The following SH3BP2 variants were observed in gnomAD, a reference collection of about 807,000 sequenced individuals.
The protein encoded by SH3BP2 is SH3 domain binding protein 2.
SH3BP2 carries 38 observed loss-of-function variants against 56.2 expected under a neutral mutation model. The observed-to-expected ratio is 0.68, with a 90% CI of 0.52 to 0.89. The LOEUF (loss-of-function observed/expected upper bound fraction) is 0.89. Ranked by LOEUF, SH3BP2 falls within the 40% of genes least tolerant of loss-of-function variation. The pLI is 0.00. For synonymous variants in SH3BP2, 346 were observed against 316.7 expected (o/e 1.09, Z -0.98); for missense variants, 748 against 762.6 (o/e 0.98, Z 0.23).
At chr4:2,795,097 G>A (rs918198987) in intron 1 of SH3BP2, among the ~76,000 whole-genome samples, 2 of 152,298 alleles carry the variant, frequency 1.3e-5, no homozygotes, top group African/African-American at 2.4e-5. Context: ...ATGAGTGTCC[G>A]TAGGGGGGAT....
chr4:2,826,744 G>C (rs576877781), intron 5 of SH3BP2: 2 of 367,956 alleles, frequency 5.4e-6, no homozygotes, highest in Non-Finnish European at 1.1e-5. Flanking sequence ...GCATGTCCGC[G>C]TGTTGCTTGT....
rs190714763 is a variant in SH3BP2, at chr4:2,831,418, G to T, written c.1242-153G>T. ...GGGCAGTCGGCACGAGCCCTACCCG[G>T]ATCTCTGTTGTCCTGAGCTTTTTAG... is the stretch of plus-strand genomic sequence containing the variant. On this transcript the variant is annotated intron_variant, in intron 8 of 12. Coordinates refer to ENST00000503393, the MANE Select transcript of SH3BP2 (RefSeq NM_001122681.2). The surrounding 1 kb of genome is among the most constrained non-coding windows in gnomAD (Gnocchi z 4.1). Among the ~76,000 whole-genome samples the T allele has an allele frequency of 6.6e-6, 1 of 152,206 alleles. No individual in the cohort carries two copies. The highest frequency in any genetic ancestry group is 1.5e-5 in the Non-Finnish European group (1 of 68,034).
rs1449839150 is a variant in SH3BP2, at chr4:2,831,747, CCAGGGCGGCCCCTCA to C, written c.1350+72_1350+86del. The stretch of plus-strand genomic sequence containing the variant: ...GGACAGGTGGTGGGAAAGCCATAGG[CCAGGGCGGCCCCTCA>C]CAGACCGTCCTGAGCAAGGACCCCC... On this transcript the variant is annotated intron_variant, in intron 9 of 12. Coordinates refer to ENST00000503393, the MANE Select transcript of SH3BP2 (RefSeq NM_001122681.2). The surrounding 1 kb of genome is among the most constrained non-coding windows in gnomAD (Gnocchi z 4.1). 1 of 1,421,782 alleles carries C rather than the reference CCAGGGCGGCCCCTCA, an allele frequency of 7.0e-7. No individual in the cohort carries two copies. The highest frequency in any genetic ancestry group is 1.4e-5 in the African/African-American group (1 of 70,706). The allele number at this position is 1,421,782 out of a possible 1,614,324, so 88.1% of individuals were successfully genotyped here.
rs576401949 is a variant in SH3BP2 at position 2,838,877 on chromosome 4, T to C, written c.*5043T>C. ...ATGGTGCACAAATTTTTCTAGGGTT[T>C]GTACTCAGGAGTCTGACTCCTGGGT... On this transcript the variant is annotated 3_prime_UTR_variant, in exon 13 of 13. Coordinates refer to ENST00000503393, the MANE Select transcript of SH3BP2 (RefSeq NM_001122681.2). 1 of 152,208 alleles carries C rather than the reference T, an allele frequency of 6.6e-6. No individual in the cohort carries two copies. 9.4% of individuals were successfully genotyped at this position (152,208 alleles called of 1,614,324 possible). A position where few individuals can be genotyped will look rare whatever the true frequency, so the allele number is the denominator to read the frequency against.
At chr4:2,820,540 C>A in intron 1 of SH3BP2, 74 bp from the exon 2 acceptor site, 3 of 1,578,682 alleles carry the variant, frequency 1.9e-6, no homozygotes, top group Non-Finnish European at 2.6e-6. Flanking sequence ...TTGGCAGTGT[C>A]CCCCTGAGCG....
At position 2,835,098 on chromosome 4, in the gene SH3BP2, G is replaced by A. The variant is rs1042290332; in HGVS notation, c.*1264G>A. ...GGATTTTTAATGAAACAGACTCAGG[G>A]AGGTAGGGGCTGGCAGGGACCCTAG... On this transcript the variant is annotated 3_prime_UTR_variant, in exon 13 of 13. Coordinates refer to ENST00000503393, the MANE Select transcript of SH3BP2 (RefSeq NM_001122681.2). 1.3e-5 allele frequency: 2 copies of A among 152,196 alleles called. No individual in the cohort carries two copies. Among genetic ancestry groups the A allele is most frequent in the Non-Finnish European group, 2.9e-5 (2 of 68,048 alleles). 9.4% of individuals were successfully genotyped at this position (152,196 alleles called of 1,614,324 possible). A position where few individuals can be genotyped will look rare whatever the true frequency, so the allele number is the denominator to read the frequency against.
At chr4:2,798,988 TGCACGCA>T (rs1163932910) in intron 1 of SH3BP2, 17 of 985,580 alleles carry the variant, frequency 1.7e-5, no homozygotes, top group Admixed American at 1.2e-4. Flanking sequence ...CCCCAGGAGC[TGCACGCA>T]GCACGGGGCC....
At chr4:2,812,599 C>T in intron 1 of SH3BP2, 3 of 1,279,094 alleles carry the variant, frequency 2.3e-6, no homozygotes, top group East Asian at 5.1e-5. Flanking sequence ...TGGGAGCCCA[C>T]AGGAGGTGGC....
Position 2,831,901 on chromosome 4 carries a change from T to C in SH3BP2, c.1351-22T>C. ...GGGTGGATCACTCCGACGTTGGCAC[T>C]GACACCGTCAGCCTCTTGCAGGTGC... On this transcript the variant is annotated intron_variant, in intron 9 of 12. Transcript: ENST00000503393. The surrounding 1 kb of genome is among the most constrained non-coding windows in gnomAD (Gnocchi z 4.1). 6.2e-7 allele frequency: 1 copy of C among 1,611,952 alleles called. No individual in the cohort carries two copies. Among genetic ancestry groups the C allele is most frequent in the Non-Finnish European group, 8.5e-7 (1 of 1,179,766 alleles).
Position 2,829,396 on chromosome 4 carries a change from G to T in SH3BP2, c.587-97G>T. The T allele has an allele frequency of 7.6e-7, 1 of 1,308,604 alleles. No individual in the cohort carries two copies. The highest frequency in any genetic ancestry group is 2.3e-5 in the East Asian group (1 of 43,406). 81.1% of individuals were successfully genotyped at this position (1,308,604 alleles called of 1,614,324 possible). ...CAGGCTGTGGGGTGGGCCTACCATGGGTTGCACTCCTGGTTGGCCTGGCTG... is the reference window on the plus strand; with the variant it reads ...CAGGCTGTGGGGTGGGCCTACCATGTGTTGCACTCCTGGTTGGCCTGGCTG... On this transcript the variant is annotated intron_variant, in intron 7 of 12. Coordinates refer to ENST00000503393, the MANE Select transcript of SH3BP2 (RefSeq NM_001122681.2). This position sits in a 1 kb window ranked among gnomAD's most constrained non-coding sequence, Gnocchi z 4.9.
At position 2,831,606 on chromosome 4, in the gene SH3BP2, TCTC is replaced by T. The variant is rs771719677; in HGVS notation, c.1280_1282del (p.Ser427del). 367 of 1,601,082 alleles carry T rather than the reference TCTC, an allele frequency of 2.3e-4. 2 individuals are homozygous for T. The highest frequency in any genetic ancestry group is 1.7e-4 in the Admixed American group (10 of 58,738). The stretch of plus-strand genomic sequence containing the variant: ...CCCGATGGGCAGAGTTTCAGGAGCT[TCTC>T]CTTTGAAAAGCCCCGGCAACCCTCA... On this transcript the variant is annotated inframe_deletion, in exon 9 of 13. Coordinates refer to ENST00000503393, the MANE Select transcript of SH3BP2 (RefSeq NM_001122681.2). The surrounding 1 kb of genome is among the most constrained non-coding windows in gnomAD (Gnocchi z 4.1).
At chr4:2,820,177 G>T (rs1724223760) in intron 1 of SH3BP2, among the ~76,000 whole-genome samples, 1 of 152,218 alleles carries the variant, frequency 6.6e-6, no homozygotes. Flanking sequence ...CTGCTCACTT[G>T]CCTTCTTCCT....
intron 3 of SH3BP2, chr4:2,823,654 G>A: frequency 2.6e-6 from 1 of 384,114 alleles, no homozygotes; most frequent in Non-Finnish European, 5.3e-6. Flanking sequence ...AAGGGTTAAT[G>A]CTGGCACCCA....
rs1257443945 is a variant in SH3BP2 at position 2,820,768 on chromosome 4, TGGTAG to T, written c.136+19_136+23del. The T allele has an allele frequency of 6.2e-7, 1 of 1,610,814 alleles. No individual in the cohort carries two copies. The highest frequency in any genetic ancestry group is 8.5e-7 in the Non-Finnish European group (1 of 1,178,394). On this transcript the variant is annotated intron_variant, in intron 2 of 12. Coordinates refer to ENST00000503393, the MANE Select transcript of SH3BP2 (RefSeq NM_001122681.2). Reference sequence around the variant, plus strand: ...GCTGCTGAAATGTGAGTCCCTGGGGTGGTAGGGTGCACAGTAGGAGGGCATGGGGG... The same window carrying T: ...GCTGCTGAAATGTGAGTCCCTGGGGTGGTGCACAGTAGGAGGGCATGGGGG...
rs2108743961 is a variant in SH3BP2 at position 2,833,904 on chromosome 4, T to C, written c.*70T>C. On this transcript the variant is annotated 3_prime_UTR_variant, in exon 13 of 13. Transcript: ENST00000503393. ...TGACCCCAGGCCACACAGACGGACATGGGCCCACATGGGAGGGTGAGCAGG... is the reference window on the plus strand; with the variant it reads ...TGACCCCAGGCCACACAGACGGACACGGGCCCACATGGGAGGGTGAGCAGG... 1 of 1,482,238 alleles carries C rather than the reference T, an allele frequency of 6.7e-7. No individual in the cohort carries two copies. Among genetic ancestry groups the C allele is most frequent in the Non-Finnish European group, 9.0e-7 (1 of 1,109,180 alleles). 91.8% of individuals were successfully genotyped at this position (1,482,238 alleles called of 1,614,324 possible).
chr4:2,803,491 G>T (rs966725723), intron 1 of SH3BP2, among the ~76,000 whole-genome samples: 1 of 152,216 alleles, frequency 6.6e-6, no homozygotes, highest in South Asian at 2.1e-4. Flanking sequence ...GCTAATAAGC[G>T]TGGAGGGGGA....
intron 1 of SH3BP2, among the ~76,000 whole-genome samples, chr4:2,794,918 T>C (rs2108692440): frequency 6.6e-6 from 1 of 152,298 alleles, no homozygotes. Context: ...CCTTGGTTCC[T>C]GAGGGGCAGG....
rs1724834847 is a variant in SH3BP2 at position 2,829,099 on chromosome 4, T to C, written c.587-394T>C. ...ATATGTTCTGAGCAAACACGGGCCT[T>C]CACCTTCCTCCCAGCTGCTCCCCTC... On this transcript the variant is annotated intron_variant, in intron 7 of 12. Coordinates refer to ENST00000503393, the MANE Select transcript of SH3BP2 (RefSeq NM_001122681.2). This position sits in a 1 kb window ranked among gnomAD's most constrained non-coding sequence, Gnocchi z 4.9. Among the ~76,000 whole-genome samples, 1 of 152,160 alleles carries C rather than the reference T, an allele frequency of 6.6e-6. No individual in the cohort carries two copies. The highest frequency in any genetic ancestry group is 2.4e-5 in the African/African-American group (1 of 41,442).
chr4:2,812,318 C>G, intron 1 of SH3BP2: 1 of 1,549,444 alleles, frequency 6.5e-7, no homozygotes, highest in Non-Finnish European at 8.7e-7. Context: ...GCTGTGGGCA[C>G]AGCTGTGGGG....
Sources: allele counts gnomAD v4.1 joint callset (sites outside exome capture counted in the v4.1 genomes callset), GRCh38; gene constraint gnomAD v4.1.1; non-coding constraint Gnocchi (gnomAD v3.1); transcripts MANE v1.5; gene names NCBI Gene and HGNC (gene_info 2026-07-23, HGNC 2026-07-21).